The following NOA1 variants were observed in gnomAD, a reference collection of about 807,000 sequenced individuals.
NOA1 encodes nitric oxide-associated protein 1.
NOA1 carries 35 observed loss-of-function variants against 58.4 expected under a neutral mutation model. That is an observed-to-expected ratio of 0.60 (90% CI 0.46 to 0.79). The LOEUF (loss-of-function observed/expected upper bound fraction) is 0.79. Among genes scored for constraint, NOA1 ranks in the 30% least tolerant of loss-of-function variants. The probability of loss-of-function intolerance (pLI) is 0.00; values close to 1 mark genes in which losing one functional copy is unlikely to be tolerated. For missense variants in NOA1, 895 were observed against 894.6 expected (o/e 1.00, Z -0.01); for synonymous variants, 397 against 373.4 (o/e 1.06, Z -0.73).
intron 2 of NOA1, 144 bp from the exon 3 acceptor site, chr4:56,973,497 T>TC: frequency 1.4e-6 from 1 of 719,826 alleles, no homozygotes; most frequent in Non-Finnish European, 2.3e-6. Context: ...TTTTTTTTTT[T>TC]CCAAAAAGCA....
chr4:56,967,050 G>A (rs1426970073), intron 4 of NOA1, among the ~76,000 whole-genome samples: 1 of 152,034 alleles, frequency 6.6e-6, no homozygotes, highest in East Asian at 1.9e-4. Flanking sequence ...GTAAAGTTAG[G>A]TTTAAAATAT....
intron 3 of NOA1, among the ~76,000 whole-genome samples, chr4:56,969,627 T>C (rs566592351): frequency 1.3e-5 from 2 of 152,034 alleles, no homozygotes; most frequent in South Asian, 4.2e-4. Context: ...ACATAGCAGC[T>C]CACAAAAAAA....
chr4:56,972,032 G>T lies in NOA1; in HGVS notation c.1515+1116C>A, dbSNP rs187067184. On this transcript the variant is annotated intron_variant, in intron 3 of 6. Coordinates refer to ENST00000264230, the MANE Select transcript of NOA1 (RefSeq NM_032313.4). ...GCCTCCCGAGTAGCTGGGACTACAG[G>T]TGCCCACTACCTCCTGGCTAATTTT... 2.0e-5 allele frequency among the ~76,000 whole-genome samples: 3 copies of T among 152,066 alleles called. No homozygotes were observed. In the South Asian group the frequency reaches 6.2e-4, roughly 32 times the overall value.
In NOA1 at chr4:56,976,739, G is replaced by T; in HGVS notation, c.847C>A (p.His283Asn). The change falls in exon 1 of 7, where the codon CAC becomes AAC. Residue 283 changes from histidine to asparagine, a missense_variant. By Grantham distance (68) the His-to-Asn change is moderately conservative (BLOSUM62 1). Around this residue, in one of 3 missense-constraint regions of NOA1, gnomAD observed 680 missense variants for 656.5 expected, o/e 1.04. Coordinates refer to ENST00000264230, the MANE Select transcript of NOA1 (RefSeq NM_032313.4). The part of the protein sequence containing the change: ...ARAGLLLAPG[H>N]QGPQRPVKDE... ...TTGACGGGGCGCTGTGGCCCTTGGT[G>T]GCCAGGGGCCAGCAGGAGCCCGGCG... The T allele has an allele frequency of 6.2e-7, 1 of 1,611,190 alleles. No homozygotes were observed. The highest frequency in any genetic ancestry group is 8.5e-7 in the Non-Finnish European group (1 of 1,178,508).
intron 1 of NOA1, 126 bp from the exon 2 acceptor site, chr4:56,974,148 G>A: frequency 4.4e-6 from 3 of 683,298 alleles, no homozygotes; most frequent in Non-Finnish European, 7.2e-6. Flanking sequence ...CTTTACAAAT[G>A]AGGAAATAGG....
intron 1 of NOA1, among the ~76,000 whole-genome samples, chr4:56,974,805 G>A (rs1164673697): frequency 6.6e-6 from 1 of 151,734 alleles, no homozygotes; most frequent in African/African-American, 2.4e-5. Context: ...AGGTTCAAGC[G>A]ATTCTTCACC....
chr4:56,971,979 C>T (rs1202579662), intron 3 of NOA1, among the ~76,000 whole-genome samples: 15 of 151,880 alleles, frequency 9.9e-5, no homozygotes, highest in Admixed American at 9.2e-4. Flanking sequence ...AGCTCCGCCT[C>T]CCGGGTTCAC....
intron 2 of NOA1, 78 bp from the exon 3 acceptor site, chr4:56,973,431 A>C: frequency 8.2e-7 from 1 of 1,220,260 alleles, no homozygotes; most frequent in East Asian, 2.3e-5. Flanking sequence ...TGTTTCCCTC[A>C]AACAAGTTAC....
chr4:56,968,592 A>C, intron 3 of NOA1, 77 bp from the exon 4 acceptor site: 2 of 1,213,050 alleles, frequency 1.6e-6, no homozygotes, highest in Non-Finnish European at 2.3e-6. Context: ...CCGTAAAATA[A>C]AAAGTGATGA....
At chr4:56,964,666 G>T in intron 5 of NOA1, 140 bp from the exon 6 acceptor site, 1 of 951,720 alleles carries the variant, frequency 1.1e-6, no homozygotes, top group Non-Finnish European at 1.5e-6. Context: ...AAAAGAACTT[G>T]CAATCACTTC....
At chr4:56,968,600 T>A in intron 3 of NOA1, 85 bp from the exon 4 acceptor site, 1 of 1,143,484 alleles carries the variant, frequency 8.7e-7, no homozygotes, top group Non-Finnish European at 1.2e-6. Flanking sequence ...TAAAAAGTGA[T>A]GAAAAATATG....
rs778917154 is a variant in NOA1, at chr4:56,976,632, GGC to G, written c.952_953del (p.Ala318GlnfsTer38). On this transcript the variant is annotated frameshift_variant, in exon 1 of 7. Coordinates refer to ENST00000264230, the MANE Select transcript of NOA1 (RefSeq NM_032313.4). LOFTEE classifies it high-confidence loss of function. Reference protein sequence around the residue: ...TVVRDVRLISAKTGYGVEELI... With the variant: ...TVVRDVRLISXKTGYGVEELI... The stretch of plus-strand genomic sequence containing the variant: ...ACTCTTCCACTCCATAGCCGGTCTT[GGC>G]GCTGATCAGCCGCACGTCCCTGACC... 15 of 1,614,222 alleles carry G rather than the reference GGC, an allele frequency of 9.3e-6. No individual in the cohort carries two copies. Among genetic ancestry groups the G allele is most frequent in the Non-Finnish European group, 1.2e-5 (14 of 1,180,042 alleles).
chr4:56,976,629 C>G lies in NOA1; in HGVS notation c.957G>C (p.Lys319Asn). ...TCAACTCTTCCACTCCATAGCCGGT[C>G]TTGGCGCTGATCAGCCGCACGTCCC... ...VVRDVRLISA[K>N]TGYGVEELIS... Residue 319 changes from lysine to asparagine, a missense_variant, in exon 1 of 7, where the codon AAG becomes AAC. Coordinates refer to ENST00000264230, the MANE Select transcript of NOA1 (RefSeq NM_032313.4). 1 of 1,614,220 alleles carries G rather than the reference C, an allele frequency of 6.2e-7. No individual in the cohort carries two copies. The highest frequency in any genetic ancestry group is 8.5e-7 in the Non-Finnish European group (1 of 1,180,036).
At chr4:56,975,275 G>A (rs927234723) in intron 1 of NOA1, among the ~76,000 whole-genome samples, 3 of 151,684 alleles carry the variant, frequency 2.0e-5, no homozygotes, top group African/African-American at 7.3e-5. Flanking sequence ...TGCCCACCTT[G>A]GCCTCCCAAA....
chr4:56,977,286 C>G lies in NOA1; in HGVS notation c.300G>C (p.Glu100Asp), dbSNP rs552540554. 6.2e-7 allele frequency: 1 copy of G among 1,613,942 alleles called. No individual in the cohort carries two copies. Among genetic ancestry groups the G allele is most frequent in the African/African-American group, 1.3e-5 (1 of 75,080 alleles). The change falls in exon 1 of 7, where the codon GAG (glutamate) becomes GAC (aspartate). Residue 100 changes from glutamate (E) to aspartate (D), a missense_variant. Around this residue, in one of 3 missense-constraint regions of NOA1, gnomAD observed 680 missense variants for 656.5 expected, o/e 1.04. Transcript: ENST00000264230. Reference protein sequence around the residue: ...QLQELQQQQEEEERQRQQRRE... With the variant: ...QLQELQQQQEDEERQRQQRRE... ...GCCGCTGCTGCCTCTGTCGCTCCTC[C>G]TCCTCCTGCTGTTGCTGGAGCTCCT...
At chr4:56,974,064 A>ATT in intron 1 of NOA1, 42 bp from the exon 2 acceptor site, 1 of 1,366,764 alleles carries the variant, frequency 7.3e-7, no homozygotes, top group Non-Finnish European at 1.0e-6. Context: ...AAAGGGAATA[A>ATT]GGGGGAAGAA....
At chr4:56,968,621 A>G (rs1217859433) in intron 3 of NOA1, 106 bp from the exon 4 acceptor site, 1 of 877,812 alleles carries the variant, frequency 1.1e-6, no homozygotes, top group African/African-American at 1.7e-5. Context: ...CCAGACTTCA[A>G]AATAAACCAA....
intron 1 of NOA1, among the ~76,000 whole-genome samples, chr4:56,976,214 C>G (rs905126770): frequency 2.6e-5 from 4 of 152,340 alleles, no homozygotes; most frequent in Admixed American, 2.6e-4. Flanking sequence ...GGAACAGAGA[C>G]GTGCTCCATA....
rs148467158 is a variant in NOA1 at position 56,965,877 on chromosome 4, C to T, written c.1764+743G>A. 4.1e-3 allele frequency among the ~76,000 whole-genome samples: 601 copies of T among 145,024 alleles called. 2 individuals carry two copies. The highest frequency in any genetic ancestry group is 0.014 in the African/African-American group (551 of 39,228). On this transcript the variant is annotated intron_variant, in intron 5 of 6. Coordinates refer to ENST00000264230, the MANE Select transcript of NOA1 (RefSeq NM_032313.4). ...TTAGAGACAGGGTTTCACTCTGTCACCCAGGCTAGAGTGCAGTGGCATAAT... is the reference window on the plus strand; with the variant it reads ...TTAGAGACAGGGTTTCACTCTGTCATCCAGGCTAGAGTGCAGTGGCATAAT...
Sources: gnomAD v4.1 joint callset for allele counts (sites outside exome capture counted in the v4.1 genomes callset) on GRCh38, gnomAD v4.1.1 for gene constraint, gnomAD v4.1.1 regional missense constraint, MANE v1.5 for transcripts, NCBI Gene and HGNC (gene_info 2026-07-23, HGNC 2026-07-21) for gene names.